EPHA6: variants seen among roughly 807,000 people sequenced by gnomAD.
EPHA6 encodes the protein EPH receptor A6, also known as ephrin type-A receptor 6.
EPHA6 carries 50 observed loss-of-function variants against 112.0 expected under a neutral mutation model. The observed-to-expected ratio is 0.45, with a 90% CI of 0.36 to 0.56. EPHA6 has a LOEUF of 0.56. EPHA6 is among the 20% of genes least tolerant of loss of function. The pLI, the probability that EPHA6 is intolerant of heterozygous loss-of-function variation, is 0.00. For synonymous variants in EPHA6, 529 were observed against 490.7 expected (o/e 1.08, Z -1.03); for missense variants, 1,280 against 1,417.4 (o/e 0.90, Z 1.56).
intron 3 of EPHA6, among the ~76,000 whole-genome samples, chr3:97,161,302 C>A (rs1199103750): frequency 6.6e-6 from 1 of 152,152 alleles, no homozygotes; most frequent in Non-Finnish European, 1.5e-5. Context: ...GCTCTAAAAT[C>A]CAAAGGGCCT....
chr3:96,889,890 A>G (rs1559804068), intron 2 of EPHA6, among the ~76,000 whole-genome samples: 3 of 152,314 alleles, frequency 2.0e-5, no homozygotes, highest in African/African-American at 4.8e-5. Flanking sequence ...TTATTAAGTG[A>G]CCTGATTTAC....
chr3:96,992,130 T>C (rs1276936452), intron 3 of EPHA6, among the ~76,000 whole-genome samples: 1 of 152,164 alleles, frequency 6.6e-6, no homozygotes, highest in East Asian at 1.9e-4. Context: ...TCTGGAAACC[T>C]CTTTAATTTG....
chr3:97,545,707 T>C (rs1296592150), intron 11 of EPHA6, among the ~76,000 whole-genome samples: 2 of 152,190 alleles, frequency 1.3e-5, no homozygotes, highest in Non-Finnish European at 2.9e-5. Context: ...TCTAAGTCTC[T>C]TTGTAGGTCA....
At chr3:97,551,054 C>A (rs1296048081) in intron 11 of EPHA6, among the ~76,000 whole-genome samples, 10 of 152,140 alleles carry the variant, frequency 6.6e-5, no homozygotes, top group African/African-American at 2.2e-4. Flanking sequence ...TATACTTTTG[C>A]AATTTCTCCT....
intron 5 of EPHA6, among the ~76,000 whole-genome samples, chr3:97,400,066 A>AT (rs2086904949): frequency 6.6e-6 from 1 of 151,516 alleles, no homozygotes; most frequent in African/African-American, 2.4e-5. Flanking sequence ...ATAGTTTTAT[A>AT]TTTTTGAGTC....
chr3:97,031,956 CAA>C (rs1194228076), intron 3 of EPHA6, among the ~76,000 whole-genome samples: 1 of 152,032 alleles, frequency 6.6e-6, no homozygotes, highest in African/African-American at 2.4e-5. Flanking sequence ...GGTATATACC[CAA>C]AGGATTATAA....
intron 1 of EPHA6, among the ~76,000 whole-genome samples, chr3:96,841,476 G>A (rs190537585): frequency 2.2e-4 from 34 of 152,128 alleles, no homozygotes; most frequent in African/African-American, 4.8e-5. Flanking sequence ...CCGGCTTTGT[G>A]GTTGGGAAAG....
At chr3:97,197,847 C>G (rs2077480384) in intron 3 of EPHA6, among the ~76,000 whole-genome samples, 1 of 152,076 alleles carries the variant, frequency 6.6e-6, no homozygotes. Context: ...AACTCAGGCT[C>G]TGACTCCCAG....
intron 5 of EPHA6, among the ~76,000 whole-genome samples, chr3:97,279,301 T>C (rs1329798942): frequency 6.6e-6 from 1 of 152,102 alleles, no homozygotes; most frequent in East Asian, 1.9e-4. Context: ...ACTGTGACTA[T>C]TAGAATAAAT....
intron 7 of EPHA6, among the ~76,000 whole-genome samples, chr3:97,462,403 AAAG>A (rs1284141840): frequency 6.6e-6 from 1 of 152,180 alleles, no homozygotes; most frequent in African/African-American, 2.4e-5. Context: ...AAATAATTAA[AAAG>A]AAGAAGAATG....
intron 10 of EPHA6, among the ~76,000 whole-genome samples, chr3:97,525,745 T>C (rs1270591551): frequency 6.6e-6 from 1 of 152,182 alleles, no homozygotes; most frequent in Non-Finnish European, 1.5e-5. Flanking sequence ...GGGTCTACAG[T>C]GGAAACTGCA....
chr3:97,425,908 G>T (rs2089081164), intron 6 of EPHA6, among the ~76,000 whole-genome samples: 2 of 152,116 alleles, frequency 1.3e-5, no homozygotes, highest in South Asian at 2.1e-4. Context: ...TGTACAGCAA[G>T]AGTGACTTTT....
At chr3:96,905,279 A>G (rs1326416208) in intron 2 of EPHA6, among the ~76,000 whole-genome samples, 1 of 152,056 alleles carries the variant, frequency 6.6e-6, no homozygotes, top group Non-Finnish European at 1.5e-5. Flanking sequence ...TCTTCTCTAT[A>G]AAAAAGGTCT....
chr3:97,088,779 G>T lies in EPHA6; in HGVS notation c.1114+100786G>T, dbSNP rs572876456. ...TCTATGATTTCCTCCCAGTGTCTGT[G>T]TCCCTTGATTCCCTCAAATGCTAAT... is the stretch of plus-strand genomic sequence containing the variant. On this transcript the variant is annotated intron_variant, in intron 3 of 17. Coordinates refer to ENST00000389672, the MANE Select transcript of EPHA6 (RefSeq NM_001080448.3). Among the ~76,000 whole-genome samples the T allele has an allele frequency of 1.2e-4, 18 of 152,106 alleles. No individual in the cohort carries two copies. In the South Asian group the frequency reaches 3.5e-3, roughly 30 times the overall value.
At chr3:97,277,087 G>C (rs941523571) in intron 5 of EPHA6, among the ~76,000 whole-genome samples, 1 of 152,114 alleles carries the variant, frequency 6.6e-6, no homozygotes, top group Admixed American at 6.5e-5. Flanking sequence ...AAGGAAGAAA[G>C]ACTCAGTGAC....
chr3:97,298,361 A>G (rs1385726318), intron 5 of EPHA6, among the ~76,000 whole-genome samples: 2 of 152,162 alleles, frequency 1.3e-5, no homozygotes, highest in Admixed American at 6.5e-5. Flanking sequence ...CTTTTCCCCA[A>G]GCATATGCAT....
At chr3:96,936,569 T>C (rs1317490787) in intron 2 of EPHA6, among the ~76,000 whole-genome samples, 1 of 150,954 alleles carries the variant, frequency 6.6e-6, no homozygotes, top group Non-Finnish European at 1.5e-5. Context: ...AATATTGCTC[T>C]TGGGTTTTTT....
chr3:96,832,340 AT>A (rs1162803612), intron 1 of EPHA6, among the ~76,000 whole-genome samples: 1 of 152,078 alleles, frequency 6.6e-6, no homozygotes, highest in Non-Finnish European at 1.5e-5. Context: ...ACAATATAGA[AT>A]GCATATTATA....
intron 5 of EPHA6, among the ~76,000 whole-genome samples, chr3:97,295,453 A>G (rs1486530568): frequency 6.6e-6 from 1 of 151,696 alleles, no homozygotes; most frequent in Non-Finnish European, 1.5e-5. Flanking sequence ...CTCTTTGGTA[A>G]ATGTATCATC....
Sources: allele counts gnomAD v4.1 joint callset (sites outside exome capture counted in the v4.1 genomes callset), GRCh38; gene constraint gnomAD v4.1.1; transcripts MANE v1.5; gene names NCBI Gene and HGNC (gene_info 2026-07-23, HGNC 2026-07-21).